Variants in CSNK1G3 observed in about 807,000 individuals in gnomAD.
The protein encoded by CSNK1G3 is casein kinase I isoform gamma-3.
In CSNK1G3, 23 loss-of-function variants were observed where a neutral mutation model predicts 64.3. That is an observed-to-expected ratio of 0.36 (90% confidence interval 0.26 to 0.51). CSNK1G3 has a LOEUF of 0.51. CSNK1G3 is among the 20% of genes least tolerant of loss of function. The probability of loss-of-function intolerance (pLI) is 0.96; values close to 1 mark genes in which losing one functional copy is unlikely to be tolerated. For synonymous variants in CSNK1G3, 158 were observed against 162.2 expected, an observed-to-expected ratio of 0.97 and a Z score of 0.20; for missense variants, 357 against 510.5, an observed-to-expected ratio of 0.70 and a Z score of 2.90.
At chr5:123,514,994 A>G (rs564748265) in intron 1 of CSNK1G3, among the ~76,000 whole-genome samples, 70 of 152,138 alleles carry the variant, frequency 4.6e-4, no homozygotes, top group Non-Finnish European at 3.4e-4. Context: ...AAAATAGTCA[A>G]TTTTCTATCA....
chr5:123,532,129 G>A lies in CSNK1G3; in HGVS notation c.-247-13288G>A, dbSNP rs185257418. 5.3e-5 allele frequency among the ~76,000 whole-genome samples: 8 copies of A among 151,802 alleles called. 1 individual carries two copies. In the East Asian group the frequency reaches 9.6e-4, roughly 18 times the overall value. ...GTAATAGTAAGGTATTTTTAGCAACGGGTATAATTTTAATGTACACTCTGA... is the reference window on the plus strand; with the variant it reads ...GTAATAGTAAGGTATTTTTAGCAACAGGTATAATTTTAATGTACACTCTGA... On this transcript the variant is annotated intron_variant, in intron 1 of 12. Transcript: ENST00000345990.
chr5:123,562,068 C>A (rs994544236), intron 4 of CSNK1G3, among the ~76,000 whole-genome samples: 6 of 152,120 alleles, frequency 3.9e-5, no homozygotes, highest in African/African-American at 1.4e-4. Flanking sequence ...GTTTCTCTTT[C>A]TACTGACCTA....
Position 123,517,274 on chromosome 5 carries a change from T to C in CSNK1G3, c.-248+4704T>C, listed in dbSNP as rs886900056. Among the ~76,000 whole-genome samples, 8 of 152,236 alleles carry C rather than the reference T, an allele frequency of 5.3e-5. 1 individual carries two copies. The highest frequency in any genetic ancestry group is 1.9e-4 in the African/African-American group (8 of 41,462). ...ACATTGAATGACAGTAGACTATTCT[T>C]TAGTTTTATCTTGAACTTTTATTCC... is the stretch of plus-strand genomic sequence containing the variant. On this transcript the variant is annotated intron_variant, in intron 1 of 12. Coordinates refer to ENST00000345990, the Ensembl canonical transcript of CSNK1G3.
At chr5:123,536,555 A>G (rs897752104) in intron 1 of CSNK1G3, among the ~76,000 whole-genome samples, 8 of 151,940 alleles carry the variant, frequency 5.3e-5, no homozygotes, top group African/African-American at 1.9e-4. Flanking sequence ...GAAGGAGTAT[A>G]TTGAATGTTC....
intron 4 of CSNK1G3, among the ~76,000 whole-genome samples, chr5:123,559,536 T>C (rs1785273640): frequency 6.6e-6 from 1 of 152,168 alleles, no homozygotes; most frequent in South Asian, 2.1e-4. Flanking sequence ...GTAGTCTCTG[T>C]TTACTAAGGG....
chr5:123,561,746 ACCTTCTTTTCC>A (rs1313420541), intron 4 of CSNK1G3, among the ~76,000 whole-genome samples: 7 of 152,084 alleles, frequency 4.6e-5, no homozygotes, highest in African/African-American at 1.7e-4. Flanking sequence ...TGAGTTCCCT[ACCTTCTTTTCC>A]CCTTATTTTC....
At chr5:123,597,182 A>G (rs1490879464) in intron 10 of CSNK1G3, among the ~76,000 whole-genome samples, 2 of 152,156 alleles carry the variant, frequency 1.3e-5, no homozygotes, top group Admixed American at 6.6e-5. Flanking sequence ...CAGTAATACA[A>G]AAATATGAGA....
chr5:123,531,312 TAGACTTAAGACTA>T (rs1779900361), intron 1 of CSNK1G3, among the ~76,000 whole-genome samples: 1 of 152,088 alleles, frequency 6.6e-6, no homozygotes, highest in Admixed American at 6.6e-5. Flanking sequence ...TAGACTTAAG[TAGACTTAAGACTA>T]AGACTTAAGA....
intron 1 of CSNK1G3, among the ~76,000 whole-genome samples, chr5:123,542,849 A>T (rs1437627603): frequency 9.6e-5 from 13 of 134,848 alleles, no homozygotes; most frequent in East Asian, 2.2e-4. Context: ...GCCTAGATTT[A>T]GTGTGTGTGT....
In CSNK1G3 at chr5:123,541,051, G is replaced by A. The variant is rs1270363775; in HGVS notation, c.-247-4366G>A. Among the ~76,000 whole-genome samples the A allele has an allele frequency of 3.3e-5, 5 of 152,038 alleles. No homozygotes were observed. In the East Asian group the frequency reaches 5.8e-4, roughly 18 times the overall value. On this transcript the variant is annotated intron_variant, in intron 1 of 12. Transcript: ENST00000345990. ...CATTGAAAGGGAATTTTATTTTGCG[G>A]TATTTTATACATGGCAGTTAGCTCA... is the stretch of plus-strand genomic sequence containing the variant.
intron 6 of CSNK1G3, among the ~76,000 whole-genome samples, chr5:123,586,077 A>G (rs1287838884): frequency 6.6e-6 from 1 of 152,248 alleles, no homozygotes; most frequent in African/African-American, 2.4e-5. Flanking sequence ...ACACATTGTA[A>G]TATACTACTC....
At chr5:123,583,169 T>C (rs1031418509) in intron 6 of CSNK1G3, among the ~76,000 whole-genome samples, 1 of 152,184 alleles carries the variant, frequency 6.6e-6, no homozygotes, top group Non-Finnish European at 1.5e-5. Context: ...CAGAGCGTCT[T>C]ACTGTAGGGC....
At chr5:123,558,335 T>C (rs907884300) in intron 4 of CSNK1G3, among the ~76,000 whole-genome samples, 13 of 152,186 alleles carry the variant, frequency 8.5e-5, no homozygotes, top group African/African-American at 3.1e-4. Flanking sequence ...TAGAGAAAAT[T>C]CATGGAAAAA....
chr5:123,572,659 A>G (rs1561546121), intron 4 of CSNK1G3, among the ~76,000 whole-genome samples: 1 of 152,244 alleles, frequency 6.6e-6, no homozygotes, highest in East Asian at 1.9e-4. Flanking sequence ...TGTGGCCCTT[A>G]CTTCCTCAAG....
intron 12 of CSNK1G3, among the ~76,000 whole-genome samples, chr5:123,606,901 A>T (rs1310223179): frequency 6.6e-6 from 1 of 152,186 alleles, no homozygotes; most frequent in African/African-American, 2.4e-5. Flanking sequence ...TTGTACTAGT[A>T]TATGTCAGTA....
intron 4 of CSNK1G3, 47 bp downstream of exon 4, chr5:123,557,611 A>C: frequency 1.6e-6 from 2 of 1,238,088 alleles, no homozygotes; most frequent in Non-Finnish European, 2.3e-6. Context: ...GTGGATTGTC[A>C]TGACTTTTTA....
At chr5:123,539,110 A>G (rs1417991649) in intron 1 of CSNK1G3, among the ~76,000 whole-genome samples, 4 of 152,170 alleles carry the variant, frequency 2.6e-5, no homozygotes, top group Non-Finnish European at 5.9e-5. Context: ...CTGGAGTTAT[A>G]GGCATGAGCC....
chr5:123,588,353 A>C (rs1031758596), intron 7 of CSNK1G3, 74 bp from the exon 8 acceptor site: 20 of 1,259,302 alleles, frequency 1.6e-5, no homozygotes, highest in Non-Finnish European at 2.3e-5. Flanking sequence ...CTGTGATTAC[A>C]GGCTACCGTG....
chr5:123,513,685 A>G (rs964256748), intron 1 of CSNK1G3, among the ~76,000 whole-genome samples: 3 of 152,174 alleles, frequency 2.0e-5, no homozygotes, highest in African/African-American at 7.2e-5. Flanking sequence ...TATATCTAAG[A>G]TGGGATATAA....
Sources: allele counts gnomAD v4.1 joint callset (sites outside exome capture counted in the v4.1 genomes callset), GRCh38; gene constraint gnomAD v4.1.1; transcripts MANE v1.5; gene names NCBI Gene and HGNC (gene_info 2026-07-23, HGNC 2026-07-21).